SAMD4A: variants seen among roughly 807,000 people sequenced by gnomAD.
SAMD4A encodes the protein protein Smaug homolog 1.
Under a neutral mutation model 81.3 loss-of-function variants are expected in SAMD4A, and 33 were observed. That is an observed-to-expected ratio of 0.41 (90% confidence interval 0.31 to 0.54). The LOEUF (loss-of-function observed/expected upper bound fraction) is 0.54, where lower values mean the gene tolerates loss of function less well. SAMD4A is among the 20% of genes least tolerant of loss of function. The pLI is 0.37. For missense variants in SAMD4A, 854 were observed against 951.1 expected (o/e 0.90, Z 1.34); for synonymous variants, 389 against 382.1 (o/e 1.02, Z -0.21).
At chr14:54,725,856 A>G (rs1321297102) in intron 3 of SAMD4A, among the ~76,000 whole-genome samples, 1 of 152,238 alleles carries the variant, frequency 6.6e-6, no homozygotes, top group Non-Finnish European at 1.5e-5. Flanking sequence ...TTCTCCCTTC[A>G]GCAGTCCGTT....
At chr14:54,681,730 C>T in intron 2 of SAMD4A, 1 of 942,180 alleles carries the variant, frequency 1.1e-6, no homozygotes, top group Non-Finnish European at 1.3e-6. Context: ...CCACGCCCTG[C>T]CTTTTAGAAA....
intron 2 of SAMD4A, 128 bp downstream of exon 2, chr14:54,568,240 C>T (rs1053628155): frequency 1.2e-6 from 1 of 842,212 alleles, no homozygotes; most frequent in Non-Finnish European, 1.7e-6. Flanking sequence ...GGCGTGGCCC[C>T]GAGGCCCTCG....
At chr14:54,698,861 C>T (rs779442433) in intron 2 of SAMD4A, among the ~76,000 whole-genome samples, 8 of 152,022 alleles carry the variant, frequency 5.3e-5, no homozygotes, top group East Asian at 1.9e-4. Flanking sequence ...CAGCAGAGAG[C>T]GGTTACATGG....
intron 2 of SAMD4A, among the ~76,000 whole-genome samples, chr14:54,692,598 G>A (rs750659128): frequency 2.0e-4 from 31 of 152,114 alleles, no homozygotes; most frequent in Non-Finnish European, 3.5e-4. Context: ...ATTATTTTAA[G>A]GTACTATTGG....
intron 6 of SAMD4A, among the ~76,000 whole-genome samples, chr14:54,751,868 G>A (rs1410941196): frequency 6.6e-6 from 1 of 152,208 alleles, no homozygotes. Flanking sequence ...GAGGTGTCCA[G>A]TTCACAATCA....
chr14:54,621,169 C>T (rs2034605947), intron 2 of SAMD4A, among the ~76,000 whole-genome samples: 1 of 152,136 alleles, frequency 6.6e-6, no homozygotes, highest in African/African-American at 2.4e-5. Flanking sequence ...CATTTCAACT[C>T]CCTGATTTCC....
intron 3 of SAMD4A, among the ~76,000 whole-genome samples, chr14:54,715,552 G>A (rs749211206): frequency 5.9e-5 from 9 of 152,132 alleles, no homozygotes; most frequent in Non-Finnish European, 5.9e-5. Context: ...GAAAAAATCA[G>A]TAACTGCTAC....
intron 2 of SAMD4A, among the ~76,000 whole-genome samples, chr14:54,598,655 G>T (rs75429519): frequency 0.016 from 2,484 of 152,184 alleles, 70 homozygotes; most frequent in African/African-American, 0.051. Flanking sequence ...AAAAATTGCT[G>T]TATTTTTCTG....
At chr14:54,737,531 T>TCC in intron 4 of SAMD4A, among the ~76,000 whole-genome samples, 1 of 136,006 alleles carries the variant, frequency 7.4e-6, no homozygotes, top group South Asian at 2.5e-4. Context: ...CAACCCACTC[T>TCC]CTCTCTCTCT....
At chr14:54,664,564 C>A (rs537670244) in intron 2 of SAMD4A, among the ~76,000 whole-genome samples, 1 of 152,144 alleles carries the variant, frequency 6.6e-6, no homozygotes, top group African/African-American at 2.4e-5. Context: ...AATGCACTTC[C>A]TCCCTCTCTC....
intron 2 of SAMD4A, among the ~76,000 whole-genome samples, chr14:54,584,108 T>C (rs2033550567): frequency 6.6e-6 from 1 of 152,186 alleles, no homozygotes; most frequent in Non-Finnish European, 1.5e-5. Flanking sequence ...AGAATAAATA[T>C]TTCTAGTTTT....
chr14:54,757,383 TTGTGTGTGTGTGTGTGTGTG>T lies in SAMD4A; in HGVS notation c.1177-2752_1177-2733del, dbSNP rs3051653. On this transcript the variant is annotated intron_variant, in intron 6 of 12. Coordinates refer to ENST00000554335, the MANE Select transcript of SAMD4A (RefSeq NM_015589.6). ...TTCGTTATGTATTTGGTTTCTTTAT[TTGTGTGTGTGTGTGTGTGTG>T]TGTGTGTGTGTGTGTGTGTGTGTGT... Among the ~76,000 whole-genome samples, 19 of 140,156 alleles carry T rather than the reference TTGTGTGTGTGTGTGTGTGTG, an allele frequency of 1.4e-4. 1 individual carries two copies. In the South Asian group the frequency reaches 2.2e-3, roughly 16 times the overall value. 91.9% of individuals were successfully genotyped at this position (140,156 alleles called of 152,430 possible).
chr14:54,710,538 T>C (rs747114346), intron 3 of SAMD4A, among the ~76,000 whole-genome samples: 2 of 152,192 alleles, frequency 1.3e-5, no homozygotes, highest in Non-Finnish European at 2.9e-5. Context: ...ATCGATGTTA[T>C]TACTTGCCTC....
intron 2 of SAMD4A, among the ~76,000 whole-genome samples, chr14:54,573,917 C>G (rs1358328033): frequency 6.6e-6 from 1 of 152,208 alleles, no homozygotes; most frequent in Non-Finnish European, 1.5e-5. Context: ...AACCCGGAAG[C>G]TCATTCTATT....
rs991435072 is a variant in SAMD4A at position 54,645,925 on chromosome 14, C to T, written c.197-56137C>T. 5.3e-5 allele frequency among the ~76,000 whole-genome samples: 8 copies of T among 152,308 alleles called. No individual in the cohort carries two copies. In the East Asian group the frequency reaches 5.8e-4, roughly 11 times the overall value. ...ACATAATTCTGTGATTCTTTTGCTT[C>T]GCAAAATTATTCTTTTTTCAAATAA... is the stretch of plus-strand genomic sequence containing the variant. On this transcript the variant is annotated intron_variant, in intron 2 of 12. Transcript: ENST00000554335.
At chr14:54,627,759 A>G (rs2034800694) in intron 2 of SAMD4A, among the ~76,000 whole-genome samples, 1 of 152,216 alleles carries the variant, frequency 6.6e-6, no homozygotes, top group Admixed American at 6.5e-5. Flanking sequence ...CTGTTAGTTT[A>G]TTTGTAAACT....
chr14:54,732,771 T>C (rs1004566661), intron 3 of SAMD4A, among the ~76,000 whole-genome samples: 6 of 152,160 alleles, frequency 3.9e-5, no homozygotes, highest in Admixed American at 6.5e-5. Flanking sequence ...ACCAAGGAGA[T>C]AGTTGGGCCA....
At chr14:54,747,075 T>G (rs2037987064) in intron 4 of SAMD4A, among the ~76,000 whole-genome samples, 1 of 152,212 alleles carries the variant, frequency 6.6e-6, no homozygotes, top group East Asian at 1.9e-4. Context: ...TTGATCCAAC[T>G]GCAATTTGAG....
At chr14:54,567,434 T>TC (rs201007309) in intron 1 of SAMD4A, 62 bp from the exon 2 acceptor site, 5,702 of 159,190 alleles carry the variant, frequency 0.036, 137 homozygotes, top group South Asian at 0.082. Context: ...GATGCCCTCG[T>TC]CCCCCCAGGG....
Sources: allele counts gnomAD v4.1 joint callset (sites outside exome capture counted in the v4.1 genomes callset), GRCh38; gene constraint gnomAD v4.1.1; transcripts MANE v1.5; gene names NCBI Gene and HGNC (gene_info 2026-07-23, HGNC 2026-07-21).